GBGT1: variants seen among roughly 807,000 people sequenced by gnomAD.
GBGT1 encodes the protein globoside alpha-1,3-N-acetylgalactosaminyltransferase 1.
A neutral mutation model predicts 20.9 loss-of-function variants in GBGT1; 18 were observed. The observed-to-expected ratio is 0.86, with a 90% CI of 0.60 to 1.28. The LOEUF is 1.28. Among genes scored for constraint, GBGT1 ranks in the 50% most tolerant of loss-of-function variants. The pLI is 0.00. For synonymous variants in GBGT1, 168 were observed against 180.8 expected, an observed-to-expected ratio of 0.93 and a Z score of 0.57; for missense variants, 432 against 455.7, an observed-to-expected ratio of 0.95 and a Z score of 0.47.
chr9:133,158,082 G>T (rs1255763530), intron 3 of GBGT1, among the ~76,000 whole-genome samples: 1 of 151,854 alleles, frequency 6.6e-6, no homozygotes, highest in African/African-American at 2.4e-5. Context: ...GAGGCTGAGG[G>T]TGCAGTGAGC....
At position 133,155,432 on chromosome 9, in the gene GBGT1, C is replaced by T. The variant is rs1588584304; in HGVS notation, c.225-120G>A. On this transcript the variant is annotated intron_variant, in intron 5 of 6. Coordinates refer to ENST00000372040, the MANE Select transcript of GBGT1 (RefSeq NM_021996.6). ...GCTTCGTCCCCATCTCTGGGCCTCC[C>T]TTTCCTCATATGGAAAGTGGGGATA... 37 of 1,186,594 alleles carry T rather than the reference C, an allele frequency of 3.1e-5. No homozygotes were observed. In the East Asian group the frequency reaches 8.6e-4, roughly 27 times the overall value. The allele number at this position is 1,186,594 out of a possible 1,614,324, so 73.5% of individuals were successfully genotyped here.
intron 3 of GBGT1, among the ~76,000 whole-genome samples, chr9:133,156,488 C>T (rs930348433): frequency 6.6e-6 from 1 of 151,898 alleles, no homozygotes; most frequent in Non-Finnish European, 1.5e-5. Context: ...GGTGAAACCT[C>T]GTCTCTACTA....
At position 133,162,327 on chromosome 9, in the gene GBGT1, G is replaced by A. The variant is rs35287463; in HGVS notation, c.71+15C>T. 2.0e-4 allele frequency: 318 copies of A among 1,602,732 alleles called. 1 individual carries two copies. In the African/African-American group the frequency reaches 3.9e-3, roughly 20 times the overall value. ...TGGGGATAGAGACAGGGGGAGCTCC[G>A]TGGGGCAGACTCACCACAGGACACT... is the stretch of plus-strand genomic sequence containing the variant. On this transcript the variant is annotated intron_variant, in intron 2 of 6. Coordinates refer to ENST00000372040, the MANE Select transcript of GBGT1 (RefSeq NM_021996.6).
At chr9:133,156,371 C>A (rs912740419) in intron 3 of GBGT1, among the ~76,000 whole-genome samples, 2 of 152,160 alleles carry the variant, frequency 1.3e-5, no homozygotes, top group African/African-American at 2.4e-5. Flanking sequence ...GATGTGAAAA[C>A]CTGCAAAGGG....
rs1175888592 is a variant in GBGT1 at position 133,157,302 on chromosome 9, A to AG, written c.138-1238_138-1237insC. 4.6e-5 allele frequency among the ~76,000 whole-genome samples: 7 copies of AG among 152,094 alleles called. No homozygotes were observed. In the East Asian group the frequency reaches 7.7e-4, roughly 17 times the overall value. On this transcript the variant is annotated intron_variant, in intron 3 of 6. Coordinates refer to ENST00000372040, the MANE Select transcript of GBGT1 (RefSeq NM_021996.6). ...GACCCTGTCTCAAAAAAAAAAAAAA[A>AG]AAAAAGAACTTCACCTGTGGGCTGT...
At chr9:133,159,533 C>G (rs1442709692) in intron 3 of GBGT1, among the ~76,000 whole-genome samples, 1 of 152,236 alleles carries the variant, frequency 6.6e-6, no homozygotes, top group Non-Finnish European at 1.5e-5. Flanking sequence ...TGTGGTGGCT[C>G]ATGCCCGCAA....
rs1833088646 is a variant in GBGT1 at position 133,162,579 on chromosome 9, TC to T, written c.-120-48del. 4 of 638,270 alleles carry T rather than the reference TC, an allele frequency of 6.3e-6. No homozygotes were observed. In the East Asian group the frequency reaches 1.1e-4, roughly 18 times the overall value. The allele number at this position is 638,270 out of a possible 1,614,324, so 39.5% of individuals were successfully genotyped here. A position where few individuals can be genotyped will look rare whatever the true frequency, so the allele number is the denominator to read the frequency against. On this transcript the variant is annotated intron_variant, in intron 1 of 6. Transcript: ENST00000372040. Reference sequence around the variant, plus strand: ...GTTTTGAGATAGAGTTTCACTCTTGTCAACTGGGCTGGAGTGCAGTGGCGCA... The same window carrying T: ...GTTTTGAGATAGAGTTTCACTCTTGTAACTGGGCTGGAGTGCAGTGGCGCA...
At position 133,153,474 on chromosome 9, in the gene GBGT1, CCTGA is replaced by C. The variant is rs1189641152; in HGVS notation, c.*99_*102del. The C allele has an allele frequency of 1.8e-5, 15 of 821,066 alleles. No individual in the cohort carries two copies. In the Middle Eastern group the frequency reaches 1.6e-3, roughly 86 times the overall value. 50.9% of individuals were successfully genotyped at this position (821,066 alleles called of 1,614,324 possible). ...CACGTCCCTTTTCCGGTTGAATTCG[CCTGA>C]CTGACAGGGAGGCGGGACAGGGCTG... On this transcript the variant is annotated 3_prime_UTR_variant, in exon 7 of 7. Transcript: ENST00000372040.
intron 5 of GBGT1, 31 bp from the exon 6 acceptor site, chr9:133,155,343 C>T: frequency 6.2e-7 from 1 of 1,612,596 alleles, no homozygotes. Flanking sequence ...GGCACTGAGA[C>T]CCTCCCCTGT....
rs1220003994 is a variant in GBGT1 at position 133,153,847 on chromosome 9, G to A, written c.774C>T (p.Phe258=). The A allele has an allele frequency of 3.1e-6, 5 of 1,597,530 alleles. No individual in the cohort carries two copies. Among genetic ancestry groups the A allele is most frequent in the African/African-American group, 1.3e-5 (1 of 74,758 alleles). ...TAFVADSEGD[F]YYGGAVFGGQ... is the part of the protein sequence containing the mutation. ...CCCCGAAGACTGCCCCACCATAATA[G>A]AAGTCCCCTTCGCTGTCTGCCACAA... is the stretch of plus-strand genomic sequence containing the variant. The change falls in exon 7 of 7, where the codon TTC becomes TTT. Residue 258 remains phenylalanine (F), a synonymous_variant. Coordinates refer to ENST00000372040, the MANE Select transcript of GBGT1 (RefSeq NM_021996.6).
Position 133,155,896 on chromosome 9 carries a change from C to T in GBGT1, c.224+5G>A. 6.2e-7 allele frequency: 1 copy of T among 1,614,132 alleles called. No individual in the cohort carries two copies. The highest frequency in any genetic ancestry group is 8.5e-7 in the Non-Finnish European group (1 of 1,179,970). ...GCCCCCATCAGGCCTCTCCATGACA[C>T]CTACCTGTGCTCCAGCAGCTTGGGC... On this transcript the variant is annotated splice_donor_5th_base_variant and intron_variant, in intron 5 of 6. Coordinates refer to ENST00000372040, the MANE Select transcript of GBGT1 (RefSeq NM_021996.6).
Position 133,162,416 on chromosome 9 carries a change from T to C in GBGT1, c.-4A>G. The C allele has an allele frequency of 6.2e-7, 1 of 1,602,250 alleles. No homozygotes were observed. The highest frequency in any genetic ancestry group is 8.5e-7 in the Non-Finnish European group (1 of 1,176,018). ...GGGCCAGTCTCCGGCGATGCATTGCTGGGGGCTGCACCTGAGCCTGGGCAC... is the reference window on the plus strand; with the variant it reads ...GGGCCAGTCTCCGGCGATGCATTGCCGGGGGCTGCACCTGAGCCTGGGCAC... On this transcript the variant is annotated 5_prime_UTR_variant, in exon 2 of 7. Coordinates refer to ENST00000372040, the MANE Select transcript of GBGT1 (RefSeq NM_021996.6).
chr9:133,159,710 T>C (rs1471408932), intron 3 of GBGT1, among the ~76,000 whole-genome samples: 1 of 151,878 alleles, frequency 6.6e-6, no homozygotes, highest in South Asian at 2.1e-4. Flanking sequence ...AGTGTGAGGA[T>C]CACTTGAGCC....
In GBGT1 at chr9:133,154,134, G is replaced by T. The variant is rs34260370; in HGVS notation, c.487C>A (p.Arg163=). Residue 163 remains arginine (R), a synonymous_variant, in exon 7 of 7, where the codon CGG becomes AGG. Coordinates refer to ENST00000372040, the MANE Select transcript of GBGT1 (RefSeq NM_021996.6). The surrounding 1 kb of genome is among the most constrained non-coding windows in gnomAD (Gnocchi z 4.2). ...AVPGVPLGPH[R]LLSSIPIQGH... ...TGGATGGGGATGGAGCTGAGAAGCC[G>T]GTGGGGACCCAGCGGGACCCCGGGA... is the stretch of plus-strand genomic sequence containing the variant. The T allele has an allele frequency of 2.2e-5, 36 of 1,604,054 alleles. No homozygotes were observed. The highest frequency in any genetic ancestry group is 3.0e-5 in the Non-Finnish European group (35 of 1,172,278).
chr9:133,156,759 G>C (rs1189890001), intron 3 of GBGT1, among the ~76,000 whole-genome samples: 2 of 152,056 alleles, frequency 1.3e-5, no homozygotes, highest in African/African-American at 2.4e-5. Context: ...TCAGTTGTAG[G>C]CAATCCTCCT....
Position 133,156,037 on chromosome 9 carries a change from T to A in GBGT1, c.166A>T (p.Lys56Ter), listed in dbSNP as rs376647799. 6.2e-7 allele frequency: 1 copy of A among 1,613,936 alleles called. No homozygotes were observed. Among genetic ancestry groups the A allele is most frequent in the Non-Finnish European group, 8.5e-7 (1 of 1,179,984 alleles). ...FNMKLHYKREKPLQPVVWSQY... is the reference protein window; with the variant it reads ...FNMKLHYKRE ...TACCATACCACGGGCTGGAGTGGCT[T>A]CTCCCTCTTGTAGTGCAGCTTCATG... Residue 56 changes from lysine (K) to a stop codon, truncating the protein, a stop_gained, in exon 4 of 7, where the codon AAG (lysine) becomes TAG (stop). Transcript: ENST00000372040. LOFTEE classifies it high-confidence loss of function.
In GBGT1 at chr9:133,153,838, A is replaced by T. The variant is rs762120549; in HGVS notation, c.783T>A (p.Gly261=). ...VADSEGDFYY[G]GAVFGGQVAR... is the part of the protein sequence containing the mutation. ...CCACCTGCCCCCCGAAGACTGCCCCACCATAATAGAAGTCCCCTTCGCTGT... is the reference window on the plus strand; with the variant it reads ...CCACCTGCCCCCCGAAGACTGCCCCTCCATAATAGAAGTCCCCTTCGCTGT... The change falls in exon 7 of 7, where the codon GGT becomes GGA. Residue 261 remains glycine, a synonymous_variant. Coordinates refer to ENST00000372040, the MANE Select transcript of GBGT1 (RefSeq NM_021996.6). 6.3e-7 allele frequency: 1 copy of T among 1,595,054 alleles called. No individual in the cohort carries two copies. Among genetic ancestry groups the T allele is most frequent in the South Asian group, 1.1e-5 (1 of 88,938 alleles).
At chr9:133,161,248 GAC>G (rs1284226351) in intron 3 of GBGT1, 3 of 514,780 alleles carry the variant, frequency 5.8e-6, no homozygotes, top group Non-Finnish European at 1.0e-5. Flanking sequence ...TGGACGGTCA[GAC>G]CATGCAGGGG....
chr9:133,157,148 G>T (rs1832895135), intron 3 of GBGT1, among the ~76,000 whole-genome samples: 1 of 152,160 alleles, frequency 6.6e-6, no homozygotes, highest in South Asian at 2.1e-4. Context: ...GCTGGGTATG[G>T]TGGTGTGCAC....
Sources: gnomAD v4.1 joint callset for allele counts (sites outside exome capture counted in the v4.1 genomes callset) on GRCh38, gnomAD v4.1.1 for gene constraint, Gnocchi (gnomAD v3.1) non-coding constraint, MANE v1.5 for transcripts, NCBI Gene and HGNC (gene_info 2026-07-23, HGNC 2026-07-21) for gene names.